The following DGCR8 variants were observed in gnomAD, a reference collection of about 807,000 sequenced individuals.
DGCR8 encodes microprocessor complex subunit DGCR8.
DGCR8 carries 14 observed loss-of-function variants against 78.5 expected under a neutral mutation model. The ratio of observed to expected loss-of-function variants is 0.18; its 90% CI spans 0.12 to 0.28. The LOEUF is 0.28. Among genes scored for constraint, DGCR8 ranks in the 10% least tolerant of loss-of-function variants. The probability of loss-of-function intolerance (pLI) is 1.00; values close to 1 mark genes in which losing one functional copy is unlikely to be tolerated. For synonymous variants in DGCR8, 399 were observed against 402.4 expected (o/e 0.99, Z 0.10); for missense variants, 702 against 1,022.5 (o/e 0.69, Z 4.28).
intron 13 of DGCR8, among the ~76,000 whole-genome samples, chr22:20,109,430 G>C (rs182565772): frequency 6.6e-6 from 1 of 152,286 alleles, no homozygotes; most frequent in African/African-American, 2.4e-5. Flanking sequence ...TTCAGGCATC[G>C]TCTGCCTGGC....
chr22:20,106,411 C>T, intron 10 of DGCR8, 134 bp downstream of exon 10: 3 of 859,064 alleles, frequency 3.5e-6, no homozygotes, highest in East Asian at 2.6e-5. Flanking sequence ...GCCCCTTGGC[C>T]CTGGCCACCA....
intron 9 of DGCR8, among the ~76,000 whole-genome samples, chr22:20,098,270 C>T (rs1016744214): frequency 7.2e-5 from 11 of 152,076 alleles, no homozygotes; most frequent in Non-Finnish European, 1.0e-4. Flanking sequence ...AGATGACAGA[C>T]GTGCCACTGT....
Position 20,086,377 on chromosome 22 carries a change from A to C in DGCR8, c.414A>C (p.Thr138=). Residue 138 remains threonine, a synonymous_variant, in exon 2 of 14, where the codon ACA becomes ACC. Coordinates refer to ENST00000351989, the MANE Select transcript of DGCR8 (RefSeq NM_022720.7). The surrounding 1 kb of genome is among the most constrained non-coding windows in gnomAD (Gnocchi z 6.4). ...CRSKDRKVLY[T]GAERDVRAEC... ...GTAAGGACAGGAAGGTGCTGTACAC[A>C]GGAGCAGAGCGCGACGTGCGGGCGG... 6.2e-7 allele frequency: 1 copy of C among 1,613,992 alleles called. No individual in the cohort carries two copies. The highest frequency in any genetic ancestry group is 8.5e-7 in the Non-Finnish European group (1 of 1,180,006).
intron 9 of DGCR8, among the ~76,000 whole-genome samples, chr22:20,098,388 T>C (rs1053984794): frequency 2.6e-5 from 4 of 152,170 alleles, no homozygotes; most frequent in Admixed American, 2.0e-4. Context: ...TCAGAGAGCG[T>C]GTATATTAAA....
Position 20,111,145 on chromosome 22 carries a change from A to G in DGCR8, c.*1037A>G, listed in dbSNP as rs1169825687. 1 of 398,586 alleles carries G rather than the reference A, an allele frequency of 2.5e-6. No individual in the cohort carries two copies. Among genetic ancestry groups the G allele is most frequent in the Non-Finnish European group, 4.4e-6 (1 of 226,062 alleles). The allele number at this position is 398,586 out of a possible 1,614,324, so 24.7% of individuals were successfully genotyped here. On this transcript the variant is annotated 3_prime_UTR_variant, in exon 14 of 14. Transcript: ENST00000351989. The stretch of plus-strand genomic sequence containing the variant: ...TGTCAAAGGCAGCTGCCTGGTGCCC[A>G]GCTTGCTTCTCGACTGGTGGCCCCT...
rs757755759 is a variant in DGCR8 at position 20,106,719 on chromosome 22, G to A, written c.1996+21G>A. 8 of 1,575,956 alleles carry A rather than the reference G, an allele frequency of 5.1e-6. No homozygotes were observed. In the East Asian group the frequency reaches 1.6e-4, roughly 31 times the overall value. ...GTGGTGTAAGGACTCCTTCTCTGCTGCCTGGTGGCCGCTGGGCGGGCGGCC... is the reference window on the plus strand; with the variant it reads ...GTGGTGTAAGGACTCCTTCTCTGCTACCTGGTGGCCGCTGGGCGGGCGGCC... On this transcript the variant is annotated intron_variant, in intron 11 of 13. Coordinates refer to ENST00000351989, the MANE Select transcript of DGCR8 (RefSeq NM_022720.7).
chr22:20,101,273 A>T (rs1357681764), intron 9 of DGCR8: 1 of 985,242 alleles, frequency 1.0e-6, no homozygotes, highest in Non-Finnish European at 1.2e-6. Context: ...TGACCCTCTT[A>T]TTTGTATATA....
At chr22:20,081,729 C>T (rs541651279) in intron 1 of DGCR8, among the ~76,000 whole-genome samples, 18 of 152,306 alleles carry the variant, frequency 1.2e-4, no homozygotes, top group Middle Eastern at 3.4e-3. Flanking sequence ...TGTTTCTGGC[C>T]ACCTCTTCCA....
chr22:20,109,312 C>T, intron 13 of DGCR8: 2 of 324,820 alleles, frequency 6.2e-6, no homozygotes, highest in South Asian at 5.6e-5. Flanking sequence ...GTCAGTGCAC[C>T]TGCCAGGGTT....
chr22:20,084,197 A>C (rs1456498404), intron 1 of DGCR8, among the ~76,000 whole-genome samples: 1 of 152,184 alleles, frequency 6.6e-6, no homozygotes, highest in Non-Finnish European at 1.5e-5. Context: ...TCCCCTTCGA[A>C]GTACATCCAC....
At chr22:20,090,666 A>G (rs1163546203) in intron 5 of DGCR8, among the ~76,000 whole-genome samples, 1 of 152,180 alleles carries the variant, frequency 6.6e-6, no homozygotes, top group Non-Finnish European at 1.5e-5. Flanking sequence ...GGAAACTGTC[A>G]CCATTCTGTG....
intron 11 of DGCR8, 69 bp downstream of exon 11, chr22:20,106,767 G>GTGGC (rs2049775406): frequency 1.4e-5 from 16 of 1,118,910 alleles, no homozygotes; most frequent in Non-Finnish European, 2.0e-5. Context: ...CTGCGCCTCT[G>GTGGC]TGGCTTGGTC....
intron 1 of DGCR8, chr22:20,084,952 C>G (rs1441233895): frequency 1.0e-6 from 1 of 984,772 alleles, no homozygotes; most frequent in South Asian, 4.7e-5. Context: ...GTCCCCAGGG[C>G]GGAACGGGCT....
At chr22:20,091,294 C>T in intron 5 of DGCR8, 141 bp from the exon 6 acceptor site, 1 of 772,208 alleles carries the variant, frequency 1.3e-6, no homozygotes, top group Non-Finnish European at 2.1e-6. Context: ...GGCCTTCATT[C>T]TTTGCTTCCC....
intron 9 of DGCR8, chr22:20,101,905 T>G: frequency 2.0e-6 from 2 of 985,306 alleles, no homozygotes; most frequent in South Asian, 9.4e-5. Flanking sequence ...GGCGGGTTGA[T>G]GCCTGTGAGG....
intron 10 of DGCR8, 117 bp downstream of exon 10, chr22:20,106,394 C>T (rs2049770252): frequency 6.4e-6 from 6 of 940,558 alleles, no homozygotes; most frequent in Non-Finnish European, 8.2e-6. Context: ...TCCCTGGGTA[C>T]ACAGCAGCCC....
chr22:20,102,025 C>T (rs1056013034), intron 9 of DGCR8: 21 of 984,502 alleles, frequency 2.1e-5, no homozygotes, highest in African/African-American at 3.5e-5. Context: ...TTGTTGCTAG[C>T]TGTGGGTTGG....
chr22:20,107,329 C>T lies in DGCR8; in HGVS notation c.2055C>T (p.His685=). The stretch of plus-strand genomic sequence containing the variant: ...CACAGAAGATCCTTCAGCTGCTGCA[C>T]CCACATGTCAAGAACTGGGGGTCTT... ...LASQKILQLL[H]PHVKNWGSLL... is the part of the protein sequence containing the mutation. Residue 685 remains histidine, a synonymous_variant, in exon 12 of 14, where the codon CAC becomes CAT. Transcript: ENST00000351989. 2 of 1,614,174 alleles carry T rather than the reference C, an allele frequency of 1.2e-6. No individual in the cohort carries two copies. The highest frequency in any genetic ancestry group is 1.7e-6 in the Non-Finnish European group (2 of 1,180,016).
At position 20,111,009 on chromosome 22, in the gene DGCR8, A is replaced by G; in HGVS notation, c.*901A>G. ...CTTTCACAGTGAGAGTAGAAGGTAGATTTGGAATCATGCATTTTAGCAAGT... is the reference window on the plus strand; with the variant it reads ...CTTTCACAGTGAGAGTAGAAGGTAGGTTTGGAATCATGCATTTTAGCAAGT... On this transcript the variant is annotated 3_prime_UTR_variant, in exon 14 of 14. Transcript: ENST00000351989. 1 of 397,496 alleles carries G rather than the reference A, an allele frequency of 2.5e-6. No individual in the cohort carries two copies. 24.6% of individuals were successfully genotyped at this position (397,496 alleles called of 1,614,324 possible).
Sources: gnomAD v4.1 joint callset for allele counts (sites outside exome capture counted in the v4.1 genomes callset) on GRCh38, gnomAD v4.1.1 for gene constraint, Gnocchi (gnomAD v3.1) non-coding constraint, MANE v1.5 for transcripts, NCBI Gene and HGNC (gene_info 2026-07-23, HGNC 2026-07-21) for gene names.